Variants in SLC39A11 observed in about 807,000 individuals in gnomAD.
The protein encoded by SLC39A11 is zinc transporter ZIP11.
Under a neutral mutation model 36.1 loss-of-function variants are expected in SLC39A11, and 33 were observed. The ratio of observed to expected loss-of-function variants is 0.91; its 90% CI spans 0.69 to 1.22. SLC39A11 has a LOEUF of 1.22. SLC39A11 is among the 50% of genes most tolerant of loss of function. SLC39A11 has a pLI of 0.00. For missense variants in SLC39A11, 432 were observed against 430.3 expected (o/e 1.00, Z -0.03); for synonymous variants, 166 against 170.3 (o/e 0.97, Z 0.20).
At chr17:72,840,441 T>G (rs1447920870) in intron 6 of SLC39A11, among the ~76,000 whole-genome samples, 1 of 152,230 alleles carries the variant, frequency 6.6e-6, no homozygotes, top group East Asian at 1.9e-4. Context: ...ATGTCCTCCC[T>G]TGGCCCACCT....
At chr17:72,752,610 C>T (rs78932297) in intron 6 of SLC39A11, among the ~76,000 whole-genome samples, 1 of 152,066 alleles carries the variant, frequency 6.6e-6, no homozygotes, top group African/African-American at 2.4e-5. Flanking sequence ...CTCAGCTGGT[C>T]GCTAACTCCT....
rs2075061155 is a variant in SLC39A11, at chr17:72,749,304, CTTG to C, written c.602-12588_602-12586del. ...AGCTTGCAACCCGGTAGCAAAGTTC[CTTG>C]ACTCTGAAGTCAGAGCCTCATCAAT... On this transcript the variant is annotated intron_variant, in intron 6 of 9. Transcript: ENST00000255559. Among the ~76,000 whole-genome samples the C allele has an allele frequency of 6.6e-5, 10 of 152,296 alleles. No individual in the cohort carries two copies. The South Asian group carries it at 2.1e-3, about 32-fold the overall frequency.
chr17:72,967,534 G>A (rs1358148292), intron 4 of SLC39A11, among the ~76,000 whole-genome samples: 1 of 152,062 alleles, frequency 6.6e-6, no homozygotes, highest in African/African-American at 2.4e-5. Context: ...ATGTCCACAG[G>A]TCCCTGGAGG....
intron 4 of SLC39A11, among the ~76,000 whole-genome samples, chr17:72,954,769 C>G (rs539597676): frequency 6.6e-6 from 1 of 152,158 alleles, no homozygotes; most frequent in African/African-American, 2.4e-5. Flanking sequence ...TCCTCGGGAG[C>G]CCGGCACCAG....
At chr17:72,874,021 C>G (rs2080776080) in intron 5 of SLC39A11, among the ~76,000 whole-genome samples, 1 of 152,154 alleles carries the variant, frequency 6.6e-6, no homozygotes, top group Non-Finnish European at 1.5e-5. Flanking sequence ...CTTCCTGAGG[C>G]CTCCCCAGGC....
chr17:73,081,144 T>C (rs986974560), intron 3 of SLC39A11, among the ~76,000 whole-genome samples: 2 of 151,662 alleles, frequency 1.3e-5, no homozygotes, highest in African/African-American at 4.8e-5. Flanking sequence ...AACAATCCCA[T>C]CAACAAGTGG....
chr17:72,738,077 T>A (rs1402070046), intron 6 of SLC39A11, among the ~76,000 whole-genome samples: 1 of 152,160 alleles, frequency 6.6e-6, no homozygotes, highest in Non-Finnish European at 1.5e-5. Context: ...TGATCTCAGC[T>A]CACTGCAAGC....
At chr17:72,675,003 T>TGTGA (rs2071192853) in intron 7 of SLC39A11, among the ~76,000 whole-genome samples, 1 of 151,496 alleles carries the variant, frequency 6.6e-6, no homozygotes, top group Non-Finnish European at 1.5e-5. Context: ...TGTGTGTGTG[T>TGTGA]GAGACACAGA....
intron 4 of SLC39A11, among the ~76,000 whole-genome samples, chr17:73,027,695 T>C (rs1231796430): frequency 2.0e-5 from 3 of 152,142 alleles, no homozygotes; most frequent in Non-Finnish European, 2.9e-5. Flanking sequence ...TGTTAACCAT[T>C]CTCTTCCCAC....
chr17:72,677,304 G>C (rs1374081906), intron 7 of SLC39A11, among the ~76,000 whole-genome samples: 1 of 152,156 alleles, frequency 6.6e-6, no homozygotes, highest in African/African-American at 2.4e-5. Context: ...GGAACACAGG[G>C]ACCAGCAAAA....
At chr17:72,661,054 T>C (rs2070389542) in intron 7 of SLC39A11, among the ~76,000 whole-genome samples, 1 of 152,174 alleles carries the variant, frequency 6.6e-6, no homozygotes, top group Admixed American at 6.5e-5. Flanking sequence ...ATTTGAGAAT[T>C]TCTAGCCTCA....
intron 5 of SLC39A11, among the ~76,000 whole-genome samples, chr17:72,855,222 G>T (rs1374146333): frequency 6.6e-6 from 1 of 152,224 alleles, no homozygotes; most frequent in Non-Finnish European, 1.5e-5. Context: ...CATCTTGCTA[G>T]ATAAATGCCA....
At chr17:72,896,895 A>C (rs1567904735) in intron 5 of SLC39A11, among the ~76,000 whole-genome samples, 1 of 151,514 alleles carries the variant, frequency 6.6e-6, no homozygotes. Flanking sequence ...TCTACTAAAA[A>C]TACAAAAATT....
At chr17:72,805,515 G>A (rs2077221257) in intron 6 of SLC39A11, among the ~76,000 whole-genome samples, 1 of 152,186 alleles carries the variant, frequency 6.6e-6, no homozygotes, top group African/African-American at 2.4e-5. Flanking sequence ...GGCCAGATGT[G>A]CTGTCAAGGC....
At chr17:72,855,245 T>C (rs1272700004) in intron 5 of SLC39A11, among the ~76,000 whole-genome samples, 1 of 152,250 alleles carries the variant, frequency 6.6e-6, no homozygotes, top group Non-Finnish European at 1.5e-5. Context: ...TTAACCTCCG[T>C]TTTCATAGCC....
chr17:72,767,272 C>G (rs1555664267), intron 6 of SLC39A11, among the ~76,000 whole-genome samples: 1 of 152,186 alleles, frequency 6.6e-6, no homozygotes, highest in Non-Finnish European at 1.5e-5. Context: ...AGTATTTACT[C>G]AGCACCTACA....
At position 72,743,419 on chromosome 17, in the gene SLC39A11, A is replaced by C. The variant is rs186138025; in HGVS notation, c.602-6700T>G. Among the ~76,000 whole-genome samples, 180 of 152,316 alleles carry C rather than the reference A, an allele frequency of 1.2e-3. 2 individuals carry two copies. Among genetic ancestry groups the C allele is most frequent in the Non-Finnish European group, 7.2e-4 (49 of 68,026 alleles). On this transcript the variant is annotated intron_variant, in intron 6 of 9. Transcript: ENST00000255559. The stretch of plus-strand genomic sequence containing the variant: ...TCAGGCCAGGCCAGTAGCAGGGGAC[A>C]AAAGTTCACAAATGAGCATTCTGTG...
At chr17:72,744,112 C>T (rs1408145925) in intron 6 of SLC39A11, among the ~76,000 whole-genome samples, 2 of 152,180 alleles carry the variant, frequency 1.3e-5, no homozygotes, top group East Asian at 3.9e-4. Context: ...AGGGCATGGG[C>T]TTTGGTTGAG....
chr17:72,947,328 A>T (rs541776502), intron 5 of SLC39A11, among the ~76,000 whole-genome samples: 1 of 152,030 alleles, frequency 6.6e-6, no homozygotes, highest in South Asian at 2.1e-4. Context: ...GGAAAAAAAA[A>T]ATCCACAGCA....
Sources: gnomAD v4.1 joint callset for allele counts (sites outside exome capture counted in the v4.1 genomes callset) on GRCh38, gnomAD v4.1.1 for gene constraint, MANE v1.5 for transcripts, NCBI Gene and HGNC (gene_info 2026-07-23, HGNC 2026-07-21) for gene names.